Variants in PTPRD observed in about 807,000 individuals in gnomAD.
PTPRD encodes the protein receptor-type tyrosine-protein phosphatase delta.
A neutral mutation model predicts 214.5 loss-of-function variants in PTPRD; 34 were observed. That is an observed-to-expected ratio of 0.16 (90% CI 0.12 to 0.21). The LOEUF is 0.21. Ranked by LOEUF, PTPRD falls within the 10% of genes least tolerant of loss-of-function variation. The pLI is 1.00. For missense variants in PTPRD, 2,545 were observed against 2,398.7 expected (o/e 1.06, Z -1.27); for synonymous variants, 1,128 against 845.7 (o/e 1.33, Z -5.79).
At chr9:9,290,034 A>G (rs114041384) in intron 9 of PTPRD, among the ~76,000 whole-genome samples, 2,046 of 151,856 alleles carry the variant, frequency 0.013, 49 homozygotes, top group African/African-American at 0.048. Flanking sequence ...GAGCCTTCAT[A>G]CTGTTTTCCA....
intron 11 of PTPRD, among the ~76,000 whole-genome samples, chr9:8,934,476 TAAA>T (rs2098979757): frequency 1.7e-4 from 2 of 11,466 alleles, no homozygotes; most frequent in Admixed American, 1.0e-3. Flanking sequence ...TATATATATA[TAAA>T]TATATATATA....
At chr9:10,459,817 T>C (rs2098945438) in intron 2 of PTPRD, among the ~76,000 whole-genome samples, 1 of 152,018 alleles carries the variant, frequency 6.6e-6, no homozygotes, top group Non-Finnish European at 1.5e-5. Context: ...GTCAGATGGA[T>C]AGATTGCAAA....
intron 8 of PTPRD, among the ~76,000 whole-genome samples, chr9:9,487,113 G>A (rs2095672973): frequency 6.6e-6 from 1 of 152,008 alleles, no homozygotes; most frequent in Admixed American, 6.6e-5. Context: ...ACAATGTGCA[G>A]GTTGGTTACA....
At chr9:9,506,090 T>C (rs1377457259) in intron 8 of PTPRD, among the ~76,000 whole-genome samples, 4 of 151,558 alleles carry the variant, frequency 2.6e-5, no homozygotes, top group Non-Finnish European at 4.4e-5. Flanking sequence ...CTTTAAGTGA[T>C]GGAAAACCAG....
intron 10 of PTPRD, among the ~76,000 whole-genome samples, chr9:9,050,960 T>A (rs2099684041): frequency 1.3e-5 from 2 of 152,170 alleles, no homozygotes; most frequent in African/African-American, 4.8e-5. Context: ...GTATCCCCCA[T>A]GAATAACTAC....
intron 11 of PTPRD, among the ~76,000 whole-genome samples, chr9:8,925,934 T>A (rs1173251812): frequency 6.6e-6 from 1 of 151,574 alleles, no homozygotes; most frequent in Non-Finnish European, 1.5e-5. Flanking sequence ...TCCATTCTAT[T>A]GAGTTAATAT....
At chr9:10,248,533 A>AAAAAAAAAAAAAG (rs60272481) in intron 3 of PTPRD, among the ~76,000 whole-genome samples, 1 of 127,444 alleles carries the variant, frequency 7.8e-6, no homozygotes, top group African/African-American at 3.3e-5. Flanking sequence ...AAAATAAAAA[A>AAAAAAAAAAAAAG]AATAAAGCGA....
intron 11 of PTPRD, among the ~76,000 whole-genome samples, chr9:8,740,985 A>C (rs1235006835): frequency 6.6e-6 from 1 of 152,220 alleles, no homozygotes; most frequent in African/African-American, 2.4e-5. Context: ...ACACAGAGAA[A>C]AAAAAGTCAA....
intron 3 of PTPRD, among the ~76,000 whole-genome samples, chr9:10,230,172 G>C (rs1594836869): frequency 6.6e-6 from 1 of 152,106 alleles, no homozygotes; most frequent in East Asian, 2.0e-4. Flanking sequence ...CAAAAGATAG[G>C]AGAAAAGGTT....
intron 2 of PTPRD, among the ~76,000 whole-genome samples, chr9:10,466,966 G>A (rs1468302631): frequency 1.3e-5 from 2 of 152,154 alleles, no homozygotes; most frequent in Non-Finnish European, 2.9e-5. Context: ...CTCTTTTCTA[G>A]GAAACTATGA....
At chr9:10,519,968 C>A (rs1277714992) in intron 2 of PTPRD, among the ~76,000 whole-genome samples, 2 of 152,008 alleles carry the variant, frequency 1.3e-5, no homozygotes, top group Admixed American at 6.6e-5. Context: ...TACCAAAAAC[C>A]ACCTATGCCC....
intron 3 of PTPRD, among the ~76,000 whole-genome samples, chr9:10,198,409 C>A (rs2099406500): frequency 6.6e-6 from 1 of 152,066 alleles, no homozygotes; most frequent in South Asian, 2.1e-4. Flanking sequence ...ATCTTACAAC[C>A]ATTGGCCAAG....
In PTPRD at chr9:9,462,936, G is replaced by A. The variant is rs1452503251; in HGVS notation, c.-236-65454C>T. 9.9e-5 allele frequency among the ~76,000 whole-genome samples: 15 copies of A among 152,230 alleles called. No homozygotes were observed. In the East Asian group the frequency reaches 1.2e-3, roughly 12 times the overall value. On this transcript the variant is annotated intron_variant, in intron 8 of 45. Transcript: ENST00000381196. ...CATCACATCAGTTTTCTTTGTCACC[G>A]ATTGTATAGTTTAAGGAATTTAAAC...
At chr9:9,440,434 G>A (rs2087117190) in intron 8 of PTPRD, among the ~76,000 whole-genome samples, 1 of 152,124 alleles carries the variant, frequency 6.6e-6, no homozygotes, top group African/African-American at 2.4e-5. Flanking sequence ...TAATTTGCAT[G>A]GTGGGAAAAA....
chr9:8,585,835 T>A (rs191084723), intron 14 of PTPRD, among the ~76,000 whole-genome samples: 1 of 152,306 alleles, frequency 6.6e-6, no homozygotes, highest in East Asian at 1.9e-4. Context: ...CTCTATGAGG[T>A]AGACTATGTT....
intron 8 of PTPRD, among the ~76,000 whole-genome samples, chr9:9,572,561 G>GTA (rs113092220): frequency 0.013 from 1,822 of 140,756 alleles, 25 homozygotes; most frequent in South Asian, 0.027. Flanking sequence ...ATATATATAT[G>GTA]TATATATATA....
Position 10,200,010 on chromosome 9 carries a change from C to T in PTPRD, c.-545+140953G>A, listed in dbSNP as rs115635453. Among the ~76,000 whole-genome samples the T allele has an allele frequency of 5.2e-3, 785 of 151,924 alleles. 4 individuals are homozygous for T. The highest frequency in any genetic ancestry group is 0.018 in the African/African-American group (742 of 41,448). On this transcript the variant is annotated intron_variant, in intron 3 of 45. Transcript: ENST00000381196. ...TAGAATTAAAATACAATTATTTATC[C>T]TAGCATACTAAGGTTTTTTACTGTT... is the stretch of plus-strand genomic sequence containing the variant.
chr9:8,328,647 C>T (rs189316104), intron 44 of PTPRD, among the ~76,000 whole-genome samples: 310 of 151,782 alleles, frequency 2.0e-3, no homozygotes, highest in African/African-American at 6.8e-3. Flanking sequence ...TCCATTCTCC[C>T]CTTCACTTTC....
intron 8 of PTPRD, among the ~76,000 whole-genome samples, chr9:9,556,421 A>G (rs905152846): frequency 2.6e-5 from 4 of 152,104 alleles, no homozygotes; most frequent in Non-Finnish European, 4.4e-5. Flanking sequence ...ATTTACATAT[A>G]AGTGGACCTG....
Sources: allele counts gnomAD v4.1 joint callset (sites outside exome capture counted in the v4.1 genomes callset), GRCh38; gene constraint gnomAD v4.1.1; transcripts MANE v1.5; gene names NCBI Gene and HGNC (gene_info 2026-07-23, HGNC 2026-07-21).